The following IL1RAPL2 variants were observed in gnomAD, a reference collection of about 807,000 sequenced individuals.
IL1RAPL2 encodes the protein X-linked interleukin-1 receptor accessory protein-like 2.
A neutral mutation model predicts 44.1 loss-of-function variants in IL1RAPL2; 3 were observed. The ratio of observed to expected loss-of-function variants is 0.07; its 90% confidence interval spans 0.03 to 0.18. The LOEUF (loss-of-function observed/expected upper bound fraction) is 0.18, where lower values mean the gene tolerates loss of function less well. IL1RAPL2 is among the 10% of genes least tolerant of loss of function. IL1RAPL2 has a pLI of 1.00. For missense variants in IL1RAPL2, 391 were observed against 496.4 expected, an observed-to-expected ratio of 0.79 and a Z score of 2.02; for synonymous variants, 181 against 178.8, an observed-to-expected ratio of 1.01 and a Z score of -0.10.
chrX:105,550,663 G>A (rs746306260), intron 6 of IL1RAPL2, among the ~76,000 whole-genome samples: 23 of 111,237 alleles, frequency 2.1e-4, no homozygotes, highest in African/African-American at 6.2e-4. Context: ...CTTGTAGGTC[G>A]TTTCCCAAAA....
chrX:105,221,795 C>T (rs782031200), intron 3 of IL1RAPL2, among the ~76,000 whole-genome samples: 2 of 111,466 alleles, frequency 1.8e-5, no homozygotes, highest in Non-Finnish European at 3.8e-5. Flanking sequence ...GATGATTCCC[C>T]TCCTAAATTC....
intron 6 of IL1RAPL2, among the ~76,000 whole-genome samples, chrX:105,712,933 G>A (rs762422799): frequency 5.0e-4 from 56 of 112,127 alleles, no homozygotes; most frequent in Non-Finnish European, 9.2e-4. Context: ...ACAGGCCCCA[G>A]GCAAGTCTGA....
chrX:104,887,743 A>C (rs1923291338), intron 2 of IL1RAPL2, among the ~76,000 whole-genome samples: 1 of 111,666 alleles, frequency 9.0e-6, no homozygotes, highest in South Asian at 3.8e-4. Context: ...TATGCTGCCC[A>C]AAATGATTTC....
At chrX:104,679,494 C>G (rs1930853705) in intron 2 of IL1RAPL2, among the ~76,000 whole-genome samples, 1 of 112,050 alleles carries the variant, frequency 8.9e-6, no homozygotes, top group South Asian at 3.7e-4. Flanking sequence ...AGAGAATAAA[C>G]AGTTCCGTTT....
chrX:105,370,384 A>G (rs1248575741), intron 5 of IL1RAPL2, among the ~76,000 whole-genome samples: 3 of 111,053 alleles, frequency 2.7e-5, no homozygotes, highest in Non-Finnish European at 5.7e-5. Context: ...CCCACCCTCC[A>G]CCATCAAATA....
At chrX:104,615,388 C>A (rs780957191) in intron 1 of IL1RAPL2, among the ~76,000 whole-genome samples, 1 of 107,389 alleles carries the variant, frequency 9.3e-6, no homozygotes, top group Non-Finnish European at 1.9e-5. Context: ...CCAACCCCAC[C>A]CCCCAACAGG....
intron 1 of IL1RAPL2, among the ~76,000 whole-genome samples, chrX:104,634,325 T>C (rs971407023): frequency 8.9e-6 from 1 of 111,796 alleles, no homozygotes; most frequent in African/African-American, 3.3e-5. Context: ...ATTCTGTTGA[T>C]TTGGGGTGGA....
chrX:105,596,629 C>T (rs2037212185), intron 6 of IL1RAPL2, among the ~76,000 whole-genome samples: 1 of 111,550 alleles, frequency 9.0e-6, no homozygotes, highest in Non-Finnish European at 1.9e-5. Flanking sequence ...AATGTTCATT[C>T]TACTGCTGCT....
intron 2 of IL1RAPL2, among the ~76,000 whole-genome samples, chrX:105,134,332 A>G (rs1164680079): frequency 8.9e-6 from 1 of 112,454 alleles, no homozygotes; most frequent in Non-Finnish European, 1.9e-5. Flanking sequence ...ACACAGCCAT[A>G]CTATGAGCTT....
intron 2 of IL1RAPL2, among the ~76,000 whole-genome samples, chrX:104,737,576 C>A (rs1181960874): frequency 8.9e-6 from 1 of 111,740 alleles, no homozygotes; most frequent in Non-Finnish European, 1.9e-5. Flanking sequence ...AATTTGAGAA[C>A]TAGAATCATG....
intron 2 of IL1RAPL2, among the ~76,000 whole-genome samples, chrX:104,693,476 T>C (rs1489986024): frequency 9.0e-6 from 1 of 111,725 alleles, no homozygotes; most frequent in Admixed American, 9.5e-5. Flanking sequence ...AGCTAACTCT[T>C]ATTTTAAAGG....
intron 2 of IL1RAPL2, among the ~76,000 whole-genome samples, chrX:105,047,690 G>A (rs913531814): frequency 9.0e-6 from 1 of 111,632 alleles, no homozygotes; most frequent in African/African-American, 3.3e-5. Context: ...TCTTCTCAGA[G>A]TGAACACTTC....
chrX:105,277,841 G>A (rs752466326), intron 5 of IL1RAPL2, among the ~76,000 whole-genome samples: 4 of 108,902 alleles, frequency 3.7e-5, no homozygotes, highest in Non-Finnish European at 5.7e-5. Context: ...ATCCTACTGA[G>A]GATCACTGAA....
chrX:105,645,008 T>C (rs1179016961), intron 6 of IL1RAPL2, among the ~76,000 whole-genome samples: 3 of 111,950 alleles, frequency 2.7e-5, no homozygotes, highest in African/African-American at 9.8e-5. Flanking sequence ...AGTCTATCAT[T>C]GATGGGCATT....
At position 105,584,457 on chromosome X, in the gene IL1RAPL2, G is replaced by A. The variant is rs778865060; in HGVS notation, c.772+100070G>A. The stretch of plus-strand genomic sequence containing the variant: ...AAATTTGTGTTTTATGGTATGTCTC[G>A]TTTCATCCTTTTATTTTTAAGCTTT... On this transcript the variant is annotated intron_variant, in intron 6 of 10. Transcript: ENST00000372582. Among the ~76,000 whole-genome samples, 62 of 109,218 alleles carry A rather than the reference G, an allele frequency of 5.7e-4. 1 individual carries two copies. Among genetic ancestry groups the A allele is most frequent in the African/African-American group, 1.8e-3 (54 of 30,228 alleles). The allele number at this position is 109,218 out of a possible 115,157, so 94.8% of individuals were successfully genotyped here. A position where few individuals can be genotyped will look rare whatever the true frequency, so the allele number is the denominator to read the frequency against.
intron 5 of IL1RAPL2, among the ~76,000 whole-genome samples, chrX:105,287,152 A>G (rs2034578223): frequency 8.9e-6 from 1 of 111,813 alleles, no homozygotes; most frequent in Admixed American, 9.5e-5. Flanking sequence ...CTAAAATAAC[A>G]TGTGTTAGGG....
intron 5 of IL1RAPL2, among the ~76,000 whole-genome samples, chrX:105,463,929 A>T (rs184581946): frequency 1.1e-3 from 126 of 112,536 alleles, no homozygotes; most frequent in East Asian, 0.011. Flanking sequence ...GGCTTCTGCC[A>T]GATGCCATTT....
chrX:105,447,132 T>A (rs2035965271), intron 5 of IL1RAPL2, among the ~76,000 whole-genome samples: 1 of 58,777 alleles, frequency 1.7e-5, no homozygotes, highest in Non-Finnish European at 3.0e-5. Context: ...TATAAATATA[T>A]ATATGAATAT....
chrX:104,904,985 G>A (rs1227031764), intron 2 of IL1RAPL2, among the ~76,000 whole-genome samples: 2 of 110,726 alleles, frequency 1.8e-5, no homozygotes, highest in Admixed American at 9.6e-5. Context: ...ACTTTTTAAT[G>A]ATTGCCATTC....
Sources: gnomAD v4.1 joint callset for allele counts (sites outside exome capture counted in the v4.1 genomes callset) on GRCh38, gnomAD v4.1.1 for gene constraint, MANE v1.5 for transcripts, NCBI Gene and HGNC (gene_info 2026-07-23, HGNC 2026-07-21) for gene names.